The following SNX19 variants were observed in gnomAD, a reference collection of about 807,000 sequenced individuals.
SNX19 encodes the protein sorting nexin-19.
Under a neutral mutation model 85.2 loss-of-function variants are expected in SNX19, and 60 were observed. The ratio of observed to expected loss-of-function variants is 0.70; its 90% CI spans 0.57 to 0.87. SNX19 has a LOEUF of 0.87. Ranked by LOEUF, SNX19 falls within the 40% of genes least tolerant of loss-of-function variation. SNX19 has a pLI of 0.00. For missense variants in SNX19, 1,201 were observed against 1,217.8 expected (o/e 0.99, Z 0.21); for synonymous variants, 520 against 470.0 (o/e 1.11, Z -1.38).
Position 130,916,072 on chromosome 11 carries a change from C to T in SNX19, c.-133G>A, listed in dbSNP as rs1946567224. On this transcript the variant is annotated 5_prime_UTR_variant, in exon 1 of 11. Transcript: ENST00000265909. ...CTGTTCAGGGAACCGGGGCTCCAGG[C>T]CCTCAAAGTCCTACAGGCACTGCAA... The T allele has an allele frequency of 2.7e-6, 2 of 749,930 alleles. No homozygotes were observed. The highest frequency in any genetic ancestry group is 4.3e-6 in the Non-Finnish European group (2 of 464,348). 46.5% of individuals were successfully genotyped at this position (749,930 alleles called of 1,614,324 possible). A position where few individuals can be genotyped will look rare whatever the true frequency, so the allele number is the denominator to read the frequency against.
rs761826994 is a variant in SNX19, at chr11:130,915,392, ACTGGACCATTCTTCC to A, written c.533_547del (p.Gly178_Pro182del). 1 of 1,614,036 alleles carries A rather than the reference ACTGGACCATTCTTCC, an allele frequency of 6.2e-7. No homozygotes were observed. Reference sequence around the variant, plus strand: ...AGCCTCCCAGAGGTGGGAAGGCTCAACTGGACCATTCTTCCCTGCAGTGGCCTCCTTTGCCTGAAT... The same window carrying A: ...AGCCTCCCAGAGGTGGGAAGGCTCAACTGCAGTGGCCTCCTTTGCCTGAAT... On this transcript the variant is annotated inframe_deletion, in exon 1 of 11. Transcript: ENST00000265909.
intron 8 of SNX19, among the ~76,000 whole-genome samples, chr11:130,891,846 C>CTT (rs10649582): frequency 0.53 from 74,270 of 140,168 alleles, 20,015 homozygotes; most frequent in South Asian, 0.58. Flanking sequence ...AAAGTTTTTT[C>CTT]TTTTTTTTTT....
chr11:130,903,491 T>G (rs1945409818), intron 7 of SNX19, 107 bp from the exon 8 acceptor site: 2 of 1,281,354 alleles, frequency 1.6e-6, no homozygotes, highest in Admixed American at 5.4e-5. Flanking sequence ...ATGCCAATCA[T>G]CTGGTATTTT....
chr11:130,893,406 T>C (rs1944637937), intron 8 of SNX19, among the ~76,000 whole-genome samples: 1 of 151,922 alleles, frequency 6.6e-6, no homozygotes, highest in South Asian at 2.1e-4. Flanking sequence ...GAATAAAGAA[T>C]ACATATATGA....
chr11:130,900,164 C>A (rs1945164228), intron 8 of SNX19, among the ~76,000 whole-genome samples: 4 of 152,104 alleles, frequency 2.6e-5, no homozygotes, highest in Non-Finnish European at 5.9e-5. Context: ...AAAAAATTAG[C>A]CAAGCACGGT....
In SNX19 at chr11:130,890,109, G is replaced by T. The variant is rs946341783; in HGVS notation, c.2574-9303C>A. Among the ~76,000 whole-genome samples the T allele has an allele frequency of 5.3e-5, 8 of 152,250 alleles. No individual in the cohort carries two copies. In the East Asian group the frequency reaches 1.5e-3, roughly 29 times the overall value. On this transcript the variant is annotated intron_variant, in intron 8 of 10. Coordinates refer to ENST00000265909, the MANE Select transcript of SNX19 (RefSeq NM_014758.3). ...ACAACCCCAATATGCTGTTCAGAAA[G>T]ATATTACCCCATCTTTTTAGTTATG...
chr11:130,905,119 T>TA (rs1377926332), intron 7 of SNX19, among the ~76,000 whole-genome samples: 6 of 152,250 alleles, frequency 3.9e-5, no homozygotes, highest in Admixed American at 1.3e-4. Context: ...CTGATATACT[T>TA]ATTTTAAGTT....
At chr11:130,903,531 G>A (rs751846221) in intron 7 of SNX19, 147 bp from the exon 8 acceptor site, 13 of 728,656 alleles carry the variant, frequency 1.8e-5, no homozygotes, top group South Asian at 3.2e-5. Flanking sequence ...AATCAAAAGA[G>A]GTTTAACTCA....
rs1186657242 is a variant in SNX19, at chr11:130,914,982, C to T, written c.958G>A (p.Glu320Lys). The T allele has an allele frequency of 9.9e-6, 16 of 1,614,090 alleles. No individual in the cohort carries two copies. Among genetic ancestry groups the T allele is most frequent in the Non-Finnish European group, 1.2e-5 (14 of 1,180,022 alleles). ...TCTGGAGAGGGGCCTGCAGAACCCT[C>T]TGGCTCACTGTAACTTAGGAATACT... The part of the protein sequence containing the change: ...APVFLSYSEP[E>K]GSAGPSPEVE... The change falls in exon 1 of 11, where the codon GAG becomes AAG. Residue 320 changes from glutamate (E) to lysine (K), a missense_variant. Physicochemically the swap from Glu to Lys is moderately conservative, Grantham distance 56. Coordinates refer to ENST00000265909, the MANE Select transcript of SNX19 (RefSeq NM_014758.3).
At position 130,896,164 on chromosome 11, in the gene SNX19, A is replaced by G. The variant is rs536033632; in HGVS notation, c.2573+7091T>C. ...AATTTTGTATGTGGGGGTCTTGCAAAAGTATGCGTATTTCTAGAAAAGCTG... is the reference window on the plus strand; with the variant it reads ...AATTTTGTATGTGGGGGTCTTGCAAGAGTATGCGTATTTCTAGAAAAGCTG... On this transcript the variant is annotated intron_variant, in intron 8 of 10. Transcript: ENST00000265909. Among the ~76,000 whole-genome samples the G allele has an allele frequency of 3.3e-5, 5 of 152,368 alleles. No homozygotes were observed. In the South Asian group the frequency reaches 8.3e-4, roughly 25 times the overall value.
rs62621284 is a variant in SNX19, at chr11:130,914,501, G to A, written c.1439C>T (p.Pro480Leu). ...EGPEKTCPSR[P>L]SCLEKDLTND... ...GGTGAGATCCTTCTCTAAGCATGACGGCCGTGAGGGGCAGGTCTTTTCTGG... is the reference window on the plus strand; with the variant it reads ...GGTGAGATCCTTCTCTAAGCATGACAGCCGTGAGGGGCAGGTCTTTTCTGG... Residue 480 changes from proline to leucine, a missense_variant, in exon 1 of 11, where the codon CCG (proline) becomes CTG (leucine). By Grantham distance (98) the Pro-to-Leu change is moderately conservative. Transcript: ENST00000265909. The A allele has an allele frequency of 0.19, 307,016 of 1,613,758 alleles. 30,685 individuals carry two copies. The highest frequency in any genetic ancestry group is 0.21 in the Middle Eastern group (1,255 of 6,056).
At chr11:130,913,715 G>A (rs1946325030) in intron 1 of SNX19, among the ~76,000 whole-genome samples, 1 of 152,106 alleles carries the variant, frequency 6.6e-6, no homozygotes, top group African/African-American at 2.4e-5. Context: ...TAGGAAGGTA[G>A]GTTATTTACC....
rs187368225 is a variant in SNX19 at position 130,911,533 on chromosome 11, C to T, written c.1813+100G>A. 3,081 of 1,561,906 alleles carry T rather than the reference C, an allele frequency of 2.0e-3. 8 individuals are homozygous for T. The highest frequency in any genetic ancestry group is 3.2e-3 in the Middle Eastern group (14 of 4,386). ...ATCCAGGGAGCAGAGAACCTTGAAA[C>T]GGCATTCTCCTCCCCGATCCCTCCC... On this transcript the variant is annotated intron_variant, in intron 2 of 10. Coordinates refer to ENST00000265909, the MANE Select transcript of SNX19 (RefSeq NM_014758.3).
intron 8 of SNX19, among the ~76,000 whole-genome samples, chr11:130,898,071 C>T (rs565116816): frequency 6.6e-5 from 10 of 152,100 alleles, no homozygotes; most frequent in Non-Finnish European, 8.8e-5. Context: ...CAACAATCAA[C>T]GGAGATTTAT....
chr11:130,894,497 G>A (rs1487115028), intron 8 of SNX19, among the ~76,000 whole-genome samples: 1 of 152,204 alleles, frequency 6.6e-6, no homozygotes, highest in East Asian at 1.9e-4. Flanking sequence ...GCCAGGGAAT[G>A]GCTTCAATAT....
At chr11:130,890,207 C>A (rs1401544068) in intron 8 of SNX19, among the ~76,000 whole-genome samples, 1 of 152,114 alleles carries the variant, frequency 6.6e-6, no homozygotes, top group South Asian at 2.1e-4. Context: ...TAATCCAACA[C>A]CACATAATCA....
At chr11:130,897,359 C>T (rs1480602712) in intron 8 of SNX19, among the ~76,000 whole-genome samples, 3 of 152,010 alleles carry the variant, frequency 2.0e-5, no homozygotes, top group Non-Finnish European at 2.9e-5. Flanking sequence ...CACACACACA[C>T]TCTGTCTCTA....
intron 4 of SNX19, chr11:130,908,397 C>T (rs976728940): frequency 5.2e-6 from 1 of 191,410 alleles, no homozygotes; most frequent in Non-Finnish European, 1.1e-5. Flanking sequence ...TTTTCAATTT[C>T]TTTCTTTTTA....
rs1012581900 is a variant in SNX19 at position 130,872,815 on chromosome 11, C to G, written c.*5607G>C. On this transcript the variant is annotated 3_prime_UTR_variant, in exon 11 of 11. Transcript: ENST00000265909. ...CCATTCTTTCCCTGGTTCCCATCCC[C>G]TTCCACATCCAGCAGTGTGGGCTAA... Among the ~76,000 whole-genome samples, 1 of 152,206 alleles carries G rather than the reference C, an allele frequency of 6.6e-6. No individual in the cohort carries two copies. Among genetic ancestry groups the G allele is most frequent in the Non-Finnish European group, 1.5e-5 (1 of 68,040 alleles).
Sources: gnomAD v4.1 joint callset for allele counts (sites outside exome capture counted in the v4.1 genomes callset) on GRCh38, gnomAD v4.1.1 for gene constraint, MANE v1.5 for transcripts, NCBI Gene and HGNC (gene_info 2026-07-23, HGNC 2026-07-21) for gene names.